BLMH: variants seen among roughly 807,000 people sequenced by gnomAD.
BLMH encodes the protein BLM hydrolase.
A neutral mutation model predicts 61.6 loss-of-function variants in BLMH; 32 were observed. The observed-to-expected ratio is 0.52, with a 90% CI of 0.39 to 0.70. The LOEUF (loss-of-function observed/expected upper bound fraction) is 0.70, where lower values mean the gene tolerates loss of function less well. BLMH is among the 30% of genes least tolerant of loss of function. The pLI is 0.00. For synonymous variants in BLMH, 183 were observed against 193.8 expected (o/e 0.94, Z 0.46); for missense variants, 460 against 555.5 (o/e 0.83, Z 1.73).
chr17:30,271,437 A>G, intron 9 of BLMH, 49 bp from the exon 10 acceptor site: 4 of 1,491,020 alleles, frequency 2.7e-6, no homozygotes, highest in Non-Finnish European at 3.7e-6. Flanking sequence ...ATCATGGGGA[A>G]AACTGGCTTT....
intron 4 of BLMH, 130 bp from the exon 5 acceptor site, chr17:30,287,032 A>T: frequency 3.1e-6 from 2 of 647,830 alleles, no homozygotes; most frequent in Non-Finnish European, 5.3e-6. Flanking sequence ...TCATATTATG[A>T]AGCAGGGTTT....
In BLMH at chr17:30,266,876, T is replaced by C; in HGVS notation, c.1216+9A>G. 6.2e-7 allele frequency: 1 copy of C among 1,612,264 alleles called. No individual in the cohort carries two copies. Among genetic ancestry groups the C allele is most frequent in the Non-Finnish European group, 8.5e-7 (1 of 1,178,282 alleles). On this transcript the variant is annotated intron_variant, in intron 11 of 11. Transcript: ENST00000261714. ...TCACCTGGAGTTAGTATTACCAAAC[T>C]GAGCTCACCTTTGTGGCCATGGTCT...
At chr17:30,286,359 C>CA (rs1436716264) in intron 5 of BLMH, among the ~76,000 whole-genome samples, 2 of 152,202 alleles carry the variant, frequency 1.3e-5, no homozygotes, top group East Asian at 3.8e-4. Flanking sequence ...ATAACTACAA[C>CA]AAATCTTTAG....
At chr17:30,265,162 G>A (rs1286418207) in intron 11 of BLMH, among the ~76,000 whole-genome samples, 1 of 152,152 alleles carries the variant, frequency 6.6e-6, no homozygotes, top group East Asian at 1.9e-4. Flanking sequence ...TATAAACACT[G>A]GGCTGCTGAG....
chr17:30,288,124 C>G, intron 3 of BLMH, 177 bp from the exon 4 acceptor site: 1 of 568,412 alleles, frequency 1.8e-6, no homozygotes, highest in Admixed American at 3.7e-5. Context: ...AGAGGCCATG[C>G]TAATCTTTTC....
intron 11 of BLMH, among the ~76,000 whole-genome samples, chr17:30,261,828 C>G (rs1238767698): frequency 1.3e-5 from 2 of 152,144 alleles, no homozygotes; most frequent in South Asian, 2.1e-4. Flanking sequence ...TACATATAGT[C>G]TGAATTGATA....
chr17:30,263,859 C>A (rs1041211572), intron 11 of BLMH, among the ~76,000 whole-genome samples: 15 of 152,120 alleles, frequency 9.9e-5, no homozygotes. Flanking sequence ...AGTCAGAAAT[C>A]CCAAAGAGAA....
intron 7 of BLMH, chr17:30,273,740 C>CG: frequency 2.6e-6 from 1 of 386,028 alleles, no homozygotes; most frequent in Non-Finnish European, 4.6e-6. Context: ...ACCCAACACA[C>CG]TTTCATTGTT....
chr17:30,268,866 A>C (rs1212488623), intron 10 of BLMH, among the ~76,000 whole-genome samples: 1 of 145,610 alleles, frequency 6.9e-6, no homozygotes, highest in African/African-American at 2.6e-5. Context: ...GCGAAACCCT[A>C]TCTCTACTAA....
chr17:30,265,153 A>G (rs1272576561), intron 11 of BLMH, among the ~76,000 whole-genome samples: 1 of 152,246 alleles, frequency 6.6e-6, no homozygotes. Context: ...TTGTTTACAT[A>G]TAAACACTGG....
At chr17:30,265,124 G>A (rs1908064456) in intron 11 of BLMH, among the ~76,000 whole-genome samples, 1 of 152,214 alleles carries the variant, frequency 6.6e-6, no homozygotes, top group Non-Finnish European at 1.5e-5. Flanking sequence ...GAAGAGAAAT[G>A]CAGTAACAGC....
rs1319223634 is a variant in BLMH at position 30,288,117 on chromosome 17, G to A, written c.322-170C>T. 1.3e-5 allele frequency: 8 copies of A among 630,266 alleles called. No individual in the cohort carries two copies. In the East Asian group the frequency reaches 2.5e-4, roughly 20 times the overall value. 39.0% of individuals were successfully genotyped at this position (630,266 alleles called of 1,614,324 possible). A position where few individuals can be genotyped will look rare whatever the true frequency, so the allele number is the denominator to read the frequency against. Reference sequence around the variant, plus strand: ...AATTTGCATGTCATCCTTGTACAGAGGCCATGCTAATCTTTTCTGTATCAC... The same window carrying A: ...AATTTGCATGTCATCCTTGTACAGAAGCCATGCTAATCTTTTCTGTATCAC... On this transcript the variant is annotated intron_variant, in intron 3 of 11. Transcript: ENST00000261714.
chr17:30,255,220 C>T (rs775504636), intron 11 of BLMH, among the ~76,000 whole-genome samples: 24 of 152,116 alleles, frequency 1.6e-4, no homozygotes, highest in South Asian at 4.1e-4. Context: ...TTTTGCTGTA[C>T]CTTTTCTATG....
intron 6 of BLMH, among the ~76,000 whole-genome samples, chr17:30,276,029 C>CT (rs960320087): frequency 8.7e-5 from 13 of 148,882 alleles, no homozygotes; most frequent in Middle Eastern, 3.4e-3. Flanking sequence ...TCCCCTTCAC[C>CT]TTTTTTTTTT....
At chr17:30,255,766 G>A (rs781650431) in intron 11 of BLMH, among the ~76,000 whole-genome samples, 15 of 152,166 alleles carry the variant, frequency 9.9e-5, no homozygotes, top group Non-Finnish European at 1.8e-4. Context: ...GCATGGTGGC[G>A]TGTGCCTGTA....
chr17:30,256,723 G>GA (rs577745264), intron 11 of BLMH, among the ~76,000 whole-genome samples: 1,480 of 116,766 alleles, frequency 0.013, 34 homozygotes, highest in Admixed American at 0.058. Context: ...CTATTATAAT[G>GA]AAAAAAAAAA....
chr17:30,270,298 G>A (rs1276344058), intron 10 of BLMH, among the ~76,000 whole-genome samples: 1 of 152,000 alleles, frequency 6.6e-6, no homozygotes, highest in African/African-American at 2.4e-5. Context: ...TCAGGAGTTC[G>A]AGACCAGCCT....
chr17:30,277,397 C>T (rs61262394), intron 6 of BLMH, among the ~76,000 whole-genome samples: 12,810 of 152,200 alleles, frequency 0.084, 836 homozygotes, highest in African/African-American at 0.17. Flanking sequence ...GAAGACATTG[C>T]CACTGGTAAC....
chr17:30,279,340 C>T (rs1408244164), intron 6 of BLMH, among the ~76,000 whole-genome samples: 1 of 152,178 alleles, frequency 6.6e-6, no homozygotes, highest in East Asian at 1.9e-4. Flanking sequence ...CCCCTGGGGG[C>T]AGTTGTATGT....
Sources: gnomAD v4.1 joint callset for allele counts (sites outside exome capture counted in the v4.1 genomes callset) on GRCh38, gnomAD v4.1.1 for gene constraint, MANE v1.5 for transcripts, NCBI Gene and HGNC (gene_info 2026-07-23, HGNC 2026-07-21) for gene names.